The following LPIN1 variants were observed in gnomAD, a reference collection of about 807,000 sequenced individuals.
LPIN1 encodes lipin 1, also known as phosphatidate phosphatase LPIN1.
In LPIN1, 71 loss-of-function variants were observed where a neutral mutation model predicts 107.5. The ratio of observed to expected loss-of-function variants is 0.66; its 90% CI spans 0.55 to 0.80. The LOEUF (loss-of-function observed/expected upper bound fraction) is 0.80. Ranked by LOEUF, LPIN1 falls within the 30% of genes least tolerant of loss-of-function variation. The pLI is 0.00. For synonymous variants in LPIN1, 445 were observed against 452.6 expected (o/e 0.98, Z 0.21); for missense variants, 1,043 against 1,160.6 (o/e 0.90, Z 1.47).
At chr2:11,754,455 G>A (rs1668356053) in intron 1 of LPIN1, among the ~76,000 whole-genome samples, 1 of 152,198 alleles carries the variant, frequency 6.6e-6, no homozygotes, top group South Asian at 2.1e-4. Context: ...AACCCAGGAG[G>A]GTGTTTCGGC....
At chr2:11,761,944 A>G (rs1669901445) in intron 1 of LPIN1, among the ~76,000 whole-genome samples, 1 of 151,978 alleles carries the variant, frequency 6.6e-6, no homozygotes, top group African/African-American at 2.4e-5. Flanking sequence ...GGGTGCCTAT[A>G]ATTCAATTCA....
At chr2:11,706,570 C>T (rs6757729) in intron 1 of LPIN1, among the ~76,000 whole-genome samples, 136,192 of 152,278 alleles carry the variant, frequency 0.89, 62,390 homozygotes, top group Non-Finnish European at 0.99. Flanking sequence ...GGAGGAAGTA[C>T]TATTAAGCTC....
intron 17 of LPIN1, among the ~76,000 whole-genome samples, chr2:11,814,852 T>G (rs1470534310): frequency 6.6e-6 from 1 of 152,160 alleles, no homozygotes; most frequent in African/African-American, 2.4e-5. Context: ...CATCCAGCCA[T>G]GTTCTCCTGA....
At chr2:11,735,148 C>A (rs1036297658) in intron 1 of LPIN1, among the ~76,000 whole-genome samples, 3 of 152,100 alleles carry the variant, frequency 2.0e-5, no homozygotes, top group Admixed American at 6.6e-5. Context: ...AAAAATTAGC[C>A]GGGCATGGTG....
Position 11,707,831 on chromosome 2 carries a change from T to A in LPIN1, c.82-5925T>A, listed in dbSNP as rs1663205515. Among the ~76,000 whole-genome samples, 1 of 152,172 alleles carries A rather than the reference T, an allele frequency of 6.6e-6. No homozygotes were observed. The highest frequency in any genetic ancestry group is 2.4e-5 in the African/African-American group (1 of 41,436). Reference sequence around the variant, plus strand: ...ATGGACCTTACCATTGAGCCAGGCATGATTACTTCCTTCAAATGACTCTTC... The same window carrying A: ...ATGGACCTTACCATTGAGCCAGGCAAGATTACTTCCTTCAAATGACTCTTC... On this transcript the variant is annotated intron_variant, in intron 1 of 21. Coordinates refer to the LPIN1 transcript ENST00000449576. The surrounding 1 kb of genome is among the most constrained non-coding windows in gnomAD (Gnocchi z 4.2).
At chr2:11,757,513 G>A (rs772905905) in intron 1 of LPIN1, among the ~76,000 whole-genome samples, 1 of 152,132 alleles carries the variant, frequency 6.6e-6, no homozygotes, top group Admixed American at 6.6e-5. Context: ...GTTTATTCTT[G>A]TATTCTTTAA....
intron 1 of LPIN1, among the ~76,000 whole-genome samples, chr2:11,738,597 T>C (rs11892871): frequency 0.26 from 38,913 of 150,998 alleles, 7,389 homozygotes; most frequent in African/African-American, 0.54. Flanking sequence ...CACTGGACAA[T>C]AGGCAGAACA....
chr2:11,801,532 A>G (rs547206539), intron 14 of LPIN1, among the ~76,000 whole-genome samples: 3 of 152,332 alleles, frequency 2.0e-5, no homozygotes, highest in South Asian at 4.1e-4. Flanking sequence ...GTTCTTACTC[A>G]TATGTGGGAG....
chr2:11,784,644 C>T (rs1435219029), intron 9 of LPIN1: 16 of 585,172 alleles, frequency 2.7e-5, no homozygotes, highest in African/African-American at 3.7e-5. Flanking sequence ...CTTGCTTCTT[C>T]TTCAGTATAT....
At position 11,820,569 on chromosome 2, in the gene LPIN1, C is replaced by T. The variant is rs529203065; in HGVS notation, c.2621+55C>T. The T allele has an allele frequency of 5.7e-5, 74 of 1,303,714 alleles. 1 individual carries two copies. The South Asian group carries it at 5.8e-4, about 10-fold the overall frequency. The allele number at this position is 1,303,714 out of a possible 1,614,324, so 80.8% of individuals were successfully genotyped here. ...TGATATCAGTACTATTATCTTAAAA[C>T]GGTGCTTCCCAGTTTGCGGTGTACC... On this transcript the variant is annotated intron_variant, in intron 20 of 20. Transcript: ENST00000674199.
At position 11,740,705 on chromosome 2, in the gene LPIN1, GAAGAAAGAAAGAAAAGAAAAGAAAGA is replaced by G. The variant is rs1558777998; in HGVS notation, c.-71-629_-71-604del. ...TCTCGAAAAAAAAAAAAAAAAAAAGGAAGAAAGAAAGAAAAGAAAAGAAAGAAAGAAAGAAAGAAAGAAAAGATCTT... is the reference window on the plus strand; with the variant it reads ...TCTCGAAAAAAAAAAAAAAAAAAAGGAAGAAAGAAAGAAAGAAAAGATCTT... On this transcript the variant is annotated intron_variant, in intron 1 of 21. Coordinates refer to the LPIN1 transcript ENST00000396097. Among the ~76,000 whole-genome samples, 6 of 134,868 alleles carry G rather than the reference GAAGAAAGAAAGAAAAGAAAAGAAAGA, an allele frequency of 4.4e-5. No individual in the cohort carries two copies. In the East Asian group the frequency reaches 8.2e-4, roughly 19 times the overall value. 88.5% of individuals were successfully genotyped at this position (134,868 alleles called of 152,430 possible). A position where few individuals can be genotyped will look rare whatever the true frequency, so the allele number is the denominator to read the frequency against.
chr2:11,691,626 CTTA>C (rs1298040543), intron 1 of LPIN1, among the ~76,000 whole-genome samples: 2 of 152,206 alleles, frequency 1.3e-5, no homozygotes, highest in African/African-American at 4.8e-5. Flanking sequence ...GTCATATTTG[CTTA>C]TCCATTGATA....
intron 18 of LPIN1, among the ~76,000 whole-genome samples, chr2:11,815,797 C>CCGTA (rs1680480792): frequency 6.6e-6 from 1 of 152,008 alleles, no homozygotes; most frequent in Non-Finnish European, 1.5e-5. Context: ...TCTAACAGAC[C>CCGTA]ACTGGCCAGT....
intron 1 of LPIN1, among the ~76,000 whole-genome samples, chr2:11,762,241 G>A (rs900292539): frequency 6.6e-6 from 1 of 152,100 alleles, no homozygotes; most frequent in African/African-American, 2.4e-5. Flanking sequence ...CGGTGGAGGC[G>A]GCGGTGGTGC....
intron 1 of LPIN1, among the ~76,000 whole-genome samples, chr2:11,727,675 C>T (rs577590671): frequency 2.0e-5 from 3 of 152,312 alleles, no homozygotes; most frequent in South Asian, 2.1e-4. Context: ...TTAAAGTCCA[C>T]GAGTTTATAT....
Position 11,786,642 on chromosome 2 carries a change from G to C in LPIN1, c.1550-432G>C, listed in dbSNP as rs1365168398. Among the ~76,000 whole-genome samples the C allele has an allele frequency of 6.6e-6, 1 of 152,174 alleles. No individual in the cohort carries two copies. The highest frequency in any genetic ancestry group is 1.5e-5 in the Non-Finnish European group (1 of 68,002). ...ATGACCACCCTAGGAAGCAGATGTG[G>C]TTATTATCCCCATGCTAGAGGAGGG... is the stretch of plus-strand genomic sequence containing the variant. On this transcript the variant is annotated intron_variant, in intron 10 of 20. Coordinates refer to ENST00000674199, the MANE Select transcript of LPIN1 (RefSeq NM_001349206.2). The surrounding 1 kb of genome is among the most constrained non-coding windows in gnomAD (Gnocchi z 4.1).
At chr2:11,705,568 G>T (rs1558735040) in intron 1 of LPIN1, among the ~76,000 whole-genome samples, 1 of 152,196 alleles carries the variant, frequency 6.6e-6, no homozygotes, top group African/African-American at 2.4e-5. Flanking sequence ...GGCCTGGGGG[G>T]TGAAGAGAGG....
intron 1 of LPIN1, among the ~76,000 whole-genome samples, chr2:11,732,907 C>G (rs543806315): frequency 0.056 from 8,468 of 150,586 alleles, 802 homozygotes; most frequent in African/African-American, 0.2. Context: ...CTCTCTCTCT[C>G]TCTCTGTGTG....
At chr2:11,792,145 G>T in intron 13 of LPIN1, 139 bp downstream of exon 13, 1 of 748,966 alleles carries the variant, frequency 1.3e-6, no homozygotes, top group African/African-American at 1.7e-5. Flanking sequence ...CTGCCATGAA[G>T]TAGGGCGAGT....
Sources: allele counts gnomAD v4.1 joint callset (sites outside exome capture counted in the v4.1 genomes callset), GRCh38; gene constraint gnomAD v4.1.1; non-coding constraint Gnocchi (gnomAD v3.1); transcripts MANE v1.5; gene names NCBI Gene and HGNC (gene_info 2026-07-23, HGNC 2026-07-21).